The following DENND3 variants were observed in gnomAD, a reference collection of about 807,000 sequenced individuals.
DENND3 encodes the protein DENN domain-containing protein 3.
Under a neutral mutation model 135.1 loss-of-function variants are expected in DENND3, and 88 were observed. That is an observed-to-expected ratio of 0.65 (90% CI 0.55 to 0.78). DENND3 has a LOEUF of 0.78. DENND3 is among the 30% of genes least tolerant of loss of function. DENND3 has a pLI of 0.00. For missense variants in DENND3, 1,392 were observed against 1,688.4 expected, an observed-to-expected ratio of 0.82 and a Z score of 3.08; for synonymous variants, 693 against 712.3, an observed-to-expected ratio of 0.97 and a Z score of 0.43.
intron 22 of DENND3, chr8:141,193,500 G>T (rs114301978): frequency 0.012 from 2,003 of 162,188 alleles, 57 homozygotes; most frequent in African/African-American, 0.046. Context: ...CAAAACACAA[G>T]GCTGGGCCAG....
intron 5 of DENND3, among the ~76,000 whole-genome samples, chr8:141,145,274 C>T (rs1016603846): frequency 6.6e-6 from 1 of 152,192 alleles, no homozygotes; most frequent in Non-Finnish European, 1.5e-5. Flanking sequence ...AACCAATTGC[C>T]AAGTAAAGAA....
intron 6 of DENND3, among the ~76,000 whole-genome samples, 197 bp downstream of exon 6, chr8:141,151,150 C>G (rs1441181154): frequency 6.6e-6 from 1 of 152,208 alleles, no homozygotes; most frequent in Non-Finnish European, 1.5e-5. Context: ...TTTGCAGAGT[C>G]TCAGGTGGCT....
chr8:141,147,615 C>T lies in DENND3; in HGVS notation c.736-3219C>T, dbSNP rs887379612. ...TCTTCGGATCGTCTTCTCTGAGTGA[C>T]CCCCACTCCCCGTCTCTCCGATAGC... On this transcript the variant is annotated intron_variant, in intron 5 of 22. Transcript: ENST00000519811. Among the ~76,000 whole-genome samples, 21 of 152,324 alleles carry T rather than the reference C, an allele frequency of 1.4e-4. No homozygotes were observed. The South Asian group carries it at 4.1e-3, about 30-fold the overall frequency.
At chr8:141,192,687 CCAGCATCCCCGG>C (rs1313228054) in intron 22 of DENND3, 24 bp downstream of exon 22, 1 of 1,605,676 alleles carries the variant, frequency 6.2e-7, no homozygotes, top group Non-Finnish European at 8.5e-7. Flanking sequence ...CCCGCCATCC[CCAGCATCCCCGG>C]CAGGTCTCGC....
chr8:141,178,938 C>T (rs899506762), intron 16 of DENND3, among the ~76,000 whole-genome samples: 4 of 152,216 alleles, frequency 2.6e-5, no homozygotes, highest in Middle Eastern at 3.2e-3. Flanking sequence ...TGAGCACTGG[C>T]GTGGCCTCTG....
rs553214581 is a variant in DENND3, at chr8:141,193,872, T to C, written c.3637-161T>C. On this transcript the variant is annotated intron_variant, in intron 22 of 22. Transcript: ENST00000519811. ...GGTTCTAAGCCCGAGAAGGGTCCTG[T>C]GCACCTGCCAGGCGGCCCTGACCCT... 265 of 735,002 alleles carry C rather than the reference T, an allele frequency of 3.6e-4. 2 individuals are homozygous for C. The South Asian group carries it at 4.4e-3, about 12-fold the overall frequency. 45.5% of individuals were successfully genotyped at this position (735,002 alleles called of 1,614,324 possible).
In DENND3 at chr8:141,175,867, C is replaced by G; in HGVS notation, c.2535+408C>G. ...GTAGCTCACATTTTCTAGTCACAGT[C>G]GGACCTGGTTCATATAAAACATAAC... On this transcript the variant is annotated intron_variant, in intron 14 of 22. Coordinates refer to ENST00000519811, the MANE Select transcript of DENND3 (RefSeq NM_001352890.3). The surrounding 1 kb of genome is among the most constrained non-coding windows in gnomAD (Gnocchi z 5.4). The G allele has an allele frequency of 7.7e-6, 2 of 260,828 alleles. No homozygotes were observed. Among genetic ancestry groups the G allele is most frequent in the East Asian group, 2.0e-4 (2 of 9,904 alleles). The allele number at this position is 260,828 out of a possible 1,614,324, so 16.2% of individuals were successfully genotyped here.
At position 141,166,150 on chromosome 8, in the gene DENND3, T is replaced by C. The variant is rs761362212; in HGVS notation, c.1554-40T>C. On this transcript the variant is annotated intron_variant, in intron 11 of 22. Coordinates refer to ENST00000519811, the MANE Select transcript of DENND3 (RefSeq NM_001352890.3). The surrounding 1 kb of genome is among the most constrained non-coding windows in gnomAD (Gnocchi z 4.3). ...GTTTAGGCTTATTCTTCAATCATTA[T>C]TGTGTCTATAAACTAACGCGTTGCT... 18 of 1,585,232 alleles carry C rather than the reference T, an allele frequency of 1.1e-5. No individual in the cohort carries two copies. The highest frequency in any genetic ancestry group is 1.5e-5 in the Non-Finnish European group (17 of 1,154,476).
Position 141,194,346 on chromosome 8 carries a change from T to A in DENND3, c.*113T>A. 1.5e-6 allele frequency: 2 copies of A among 1,304,764 alleles called. No individual in the cohort carries two copies. The allele number at this position is 1,304,764 out of a possible 1,614,324, so 80.8% of individuals were successfully genotyped here. ...GGTGGCAGGGCAGAGCAGCCCAGGC[T>A]CAGCATGGAGCCCACTTACCGTGTG... On this transcript the variant is annotated 3_prime_UTR_variant, in exon 23 of 23. Transcript: ENST00000519811.
intron 13 of DENND3, among the ~76,000 whole-genome samples, chr8:141,170,633 G>A (rs1389284790): frequency 6.6e-6 from 1 of 152,354 alleles, no homozygotes; most frequent in Non-Finnish European, 1.5e-5. Flanking sequence ...GGGACGCTGA[G>A]ATGCTGCACC....
At position 141,194,603 on chromosome 8, in the gene DENND3, C is replaced by G; in HGVS notation, c.*370C>G. The G allele has an allele frequency of 3.8e-6, 1 of 262,032 alleles. No homozygotes were observed. Among genetic ancestry groups the G allele is most frequent in the Non-Finnish European group, 7.5e-6 (1 of 133,922 alleles). 16.2% of individuals were successfully genotyped at this position (262,032 alleles called of 1,614,324 possible). On this transcript the variant is annotated 3_prime_UTR_variant, in exon 23 of 23. Transcript: ENST00000519811. ...CGAGTCACAGGTGACCCGTGGCCCT[C>G]ACGTCTCTGGTTTTACCTTTCCTTA...
Position 141,175,071 on chromosome 8 carries a change from C to A in DENND3, c.2276-129C>A. 8.3e-6 allele frequency: 9 copies of A among 1,090,406 alleles called. No individual in the cohort carries two copies. The highest frequency in any genetic ancestry group is 1.2e-5 in the Non-Finnish European group (9 of 760,674). 67.5% of individuals were successfully genotyped at this position (1,090,406 alleles called of 1,614,324 possible). A position where few individuals can be genotyped will look rare whatever the true frequency, so the allele number is the denominator to read the frequency against. Reference sequence around the variant, plus strand: ...CCTTCTAGGCAGTTTCCATCCAGCGCCCTGAGTGCTGGCGCCACCTGCTGC... The same window carrying A: ...CCTTCTAGGCAGTTTCCATCCAGCGACCTGAGTGCTGGCGCCACCTGCTGC... On this transcript the variant is annotated intron_variant, in intron 13 of 22. Transcript: ENST00000519811. The surrounding 1 kb of genome is among the most constrained non-coding windows in gnomAD (Gnocchi z 5.4).
In DENND3 at chr8:141,178,279, C is replaced by G. The variant is rs1156618096; in HGVS notation, c.2836+83C>G. On this transcript the variant is annotated intron_variant, in intron 16 of 22. Coordinates refer to ENST00000519811, the MANE Select transcript of DENND3 (RefSeq NM_001352890.3). ...TTTATCTGGTCGATGTCTGTTTTAT[C>G]AAGTAGAACCGAGCCCAGCTCCCCC... is the stretch of plus-strand genomic sequence containing the variant. The G allele has an allele frequency of 7.9e-6, 12 of 1,516,648 alleles. No individual in the cohort carries two copies. The Admixed American group carries it at 2.5e-4, about 31-fold the overall frequency. The allele number at this position is 1,516,648 out of a possible 1,614,324, so 93.9% of individuals were successfully genotyped here. A position where few individuals can be genotyped will look rare whatever the true frequency, so the allele number is the denominator to read the frequency against.
At position 141,150,815 on chromosome 8, in the gene DENND3, C is replaced by T. The variant is rs754781521; in HGVS notation, c.736-19C>T. 59 of 1,579,884 alleles carry T rather than the reference C, an allele frequency of 3.7e-5. No individual in the cohort carries two copies. In the East Asian group the frequency reaches 5.5e-4, roughly 15 times the overall value. On this transcript the variant is annotated intron_variant, in intron 5 of 22. Transcript: ENST00000519811. ...CCGGAGCAGCTCTCTGAACTAATGA[C>T]GGGAACTGGTTGTCGTAGGTATTTA...
Position 141,182,316 on chromosome 8 carries a change from G to A in DENND3, c.2944+1462G>A, listed in dbSNP as rs1823248411. ...CATAAGAGAGTTTTTCTCTCTTCAT[G>A]GCAGGCCAAGAAACCCAGGAACGCG... On this transcript the variant is annotated intron_variant, in intron 17 of 22. Coordinates refer to ENST00000519811, the MANE Select transcript of DENND3 (RefSeq NM_001352890.3). The surrounding 1 kb of genome is among the most constrained non-coding windows in gnomAD (Gnocchi z 5.9). 1.0e-6 allele frequency: 1 copy of A among 985,352 alleles called. No individual in the cohort carries two copies. Among genetic ancestry groups the A allele is most frequent in the Non-Finnish European group, 1.2e-6 (1 of 829,908 alleles). The allele number at this position is 985,352 out of a possible 1,614,324, so 61.0% of individuals were successfully genotyped here.
In DENND3 at chr8:141,163,540, A is replaced by T. The variant is rs113182747; in HGVS notation, c.1449+111A>T. The T allele has an allele frequency of 6.1e-5, 41 of 676,156 alleles. 1 individual carries two copies. Among genetic ancestry groups the T allele is most frequent in the African/African-American group, 5.9e-4 (32 of 54,390 alleles). The allele number at this position is 676,156 out of a possible 1,614,324, so 41.9% of individuals were successfully genotyped here. On this transcript the variant is annotated intron_variant, in intron 10 of 22. Coordinates refer to ENST00000519811, the MANE Select transcript of DENND3 (RefSeq NM_001352890.3). ...CTCAAGTGTATCAACTTTTCCAAAA[A>T]GTTTGTTTTAGCATGGTTCCTTTTG...
rs1820863384 is a variant in DENND3 at position 141,166,799 on chromosome 8, C to T, written c.1753+410C>T. On this transcript the variant is annotated intron_variant, in intron 12 of 22. Transcript: ENST00000519811. This position sits in a 1 kb window ranked among gnomAD's most constrained non-coding sequence, Gnocchi z 4.3. ...AGTGCCCCTGCCCTCGTGGAGCTGG[C>T]ATTCCAGGGCCAGGGCTAAAGTGAG... Among the ~76,000 whole-genome samples the T allele has an allele frequency of 6.6e-6, 1 of 152,204 alleles. No individual in the cohort carries two copies. Among genetic ancestry groups the T allele is most frequent in the South Asian group, 2.1e-4 (1 of 4,828 alleles).
rs949164990 is a variant in DENND3 at position 141,128,699 on chromosome 8, C to T, written c.-9C>T. The stretch of plus-strand genomic sequence containing the variant: ...CGAGTGCGGTACTGGCGGCGGGCGG[C>T]GGGCAGCCATGGCGGAGGCCGCGTC... On this transcript the variant is annotated 5_prime_UTR_variant, in exon 1 of 23. Coordinates refer to ENST00000519811, the MANE Select transcript of DENND3 (RefSeq NM_001352890.3). The surrounding 1 kb of genome is among the most constrained non-coding windows in gnomAD (Gnocchi z 4.5). 2.0e-4 allele frequency: 271 copies of T among 1,381,648 alleles called. No individual in the cohort carries two copies. The African/African-American group carries it at 3.8e-3, about 19-fold the overall frequency. The allele number at this position is 1,381,648 out of a possible 1,614,324, so 85.6% of individuals were successfully genotyped here.
chr8:141,183,707 G>A (rs1040214284), intron 17 of DENND3, among the ~76,000 whole-genome samples: 23 of 149,884 alleles, frequency 1.5e-4, no homozygotes, highest in African/African-American at 5.4e-4. Context: ...CACTGAAGAC[G>A]TCCGGTGACA....
Sources: gnomAD v4.1 joint callset for allele counts (sites outside exome capture counted in the v4.1 genomes callset) on GRCh38, gnomAD v4.1.1 for gene constraint, Gnocchi (gnomAD v3.1) non-coding constraint, MANE v1.5 for transcripts, NCBI Gene and HGNC (gene_info 2026-07-23, HGNC 2026-07-21) for gene names.